The following FAM118B variants were observed in gnomAD, a reference collection of about 807,000 sequenced individuals.
The protein encoded by FAM118B is protein FAM118B.
Under a neutral mutation model 38.5 loss-of-function variants are expected in FAM118B, and 24 were observed. That is an observed-to-expected ratio of 0.62 (90% CI 0.45 to 0.88). The LOEUF is 0.88. Ranked by LOEUF, FAM118B falls within the 40% of genes least tolerant of loss-of-function variation. The probability of loss-of-function intolerance (pLI) is 0.00; values close to 1 mark genes in which losing one functional copy is unlikely to be tolerated. For missense variants in FAM118B, 334 were observed against 420.0 expected (o/e 0.80, Z 1.79); for synonymous variants, 138 against 156.3 (o/e 0.88, Z 0.87).
At chr11:126,212,015 A>G (rs955585908) in intron 1 of FAM118B, among the ~76,000 whole-genome samples, 185 bp downstream of exon 1, 2 of 152,164 alleles carry the variant, frequency 1.3e-5, no homozygotes, top group African/African-American at 4.8e-5. Context: ...GCGATGTCCC[A>G]TAAACGCTCG....
intron 8 of FAM118B, 47 bp from the exon 9 acceptor site, chr11:126,262,073 C>T (rs959270504): frequency 1.2e-6 from 2 of 1,609,190 alleles, no homozygotes; most frequent in East Asian, 2.2e-5. Flanking sequence ...AATGTATAAA[C>T]CTGTTTTGTG....
At chr11:126,261,578 C>A in intron 8 of FAM118B, 94 bp downstream of exon 8, 1 of 1,003,774 alleles carries the variant, frequency 1.0e-6, no homozygotes, top group Non-Finnish European at 1.5e-6. Flanking sequence ...CTTTGGACCT[C>A]ACATTGCCAA....
rs1351636649 is a variant in FAM118B at position 126,261,331 on chromosome 11, G to A, written c.983-94G>A. The A allele has an allele frequency of 2.9e-5, 28 of 956,670 alleles. 1 individual carries two copies. The highest frequency in any genetic ancestry group is 4.9e-5 in the African/African-American group (3 of 60,922). The allele number at this position is 956,670 out of a possible 1,614,324, so 59.3% of individuals were successfully genotyped here. ...TCTAAATGCCCATTCCTTTTCAGTC[G>A]TACCATATGTCCTCATCTCCCTTTA... is the stretch of plus-strand genomic sequence containing the variant. On this transcript the variant is annotated intron_variant, in intron 7 of 8. Transcript: ENST00000533050.
chr11:126,255,445 G>A lies in FAM118B; in HGVS notation c.696+1012G>A, dbSNP rs781499452. ...ACTGCATCCATCTCTGACATTGAGT[G>A]ATCCCTTAGGCAGTCATTTCTGTGT... On this transcript the variant is annotated intron_variant, in intron 6 of 8. Transcript: ENST00000533050. This position sits in a 1 kb window ranked among gnomAD's most constrained non-coding sequence, Gnocchi z 4.6. Among the ~76,000 whole-genome samples, 12 of 152,010 alleles carry A rather than the reference G, an allele frequency of 7.9e-5. No individual in the cohort carries two copies. Among genetic ancestry groups the A allele is most frequent in the Middle Eastern group, 3.2e-3 (1 of 316 alleles).
chr11:126,221,575 A>T (rs973800878), intron 1 of FAM118B, among the ~76,000 whole-genome samples: 1 of 152,106 alleles, frequency 6.6e-6, no homozygotes, highest in Admixed American at 6.5e-5. Context: ...TGAAACTTAC[A>T]TGGCTATCTC....
intron 1 of FAM118B, among the ~76,000 whole-genome samples, chr11:126,221,497 C>T (rs192438501): frequency 6.9e-4 from 105 of 152,038 alleles, no homozygotes; most frequent in African/African-American, 2.2e-3. Flanking sequence ...GGTTGTTGAA[C>T]GGTTTTTTGG....
chr11:126,248,387 T>TTTTTTTTA (rs1950447584), intron 4 of FAM118B, among the ~76,000 whole-genome samples: 1 of 141,206 alleles, frequency 7.1e-6, no homozygotes, highest in Admixed American at 7.2e-5. Context: ...TTTTTTTTTT[T>TTTTTTTTA]GAGATGGAGT....
At position 126,253,827 on chromosome 11, in the gene FAM118B, A is replaced by G. The variant is rs965019595; in HGVS notation, c.568-478A>G. ...GGCAGCTGGATTCCAAAAGTAACAC[A>G]AGAGAAGTAAGACTTCTTGTGCCAA... On this transcript the variant is annotated intron_variant, in intron 5 of 8. Transcript: ENST00000533050. This position sits in a 1 kb window ranked among gnomAD's most constrained non-coding sequence, Gnocchi z 5.1. 1.3e-5 allele frequency among the ~76,000 whole-genome samples: 2 copies of G among 152,236 alleles called. No individual in the cohort carries two copies. The highest frequency in any genetic ancestry group is 2.9e-5 in the Non-Finnish European group (2 of 68,048).
At chr11:126,248,434 G>C (rs918001106) in intron 4 of FAM118B, among the ~76,000 whole-genome samples, 1 of 130,116 alleles carries the variant, frequency 7.7e-6, no homozygotes, top group African/African-American at 2.9e-5. Flanking sequence ...GCAATGGTGC[G>C]ATCTTGGCTC....
chr11:126,218,782 A>G (rs1347114127), intron 1 of FAM118B, among the ~76,000 whole-genome samples: 1 of 152,172 alleles, frequency 6.6e-6, no homozygotes, highest in African/African-American at 2.4e-5. Context: ...ACAAATGTAT[A>G]TGTTTGCTAA....
intron 3 of FAM118B, among the ~76,000 whole-genome samples, chr11:126,238,884 T>TA (rs1213563802): frequency 4.6e-4 from 64 of 140,030 alleles, no homozygotes; most frequent in Middle Eastern, 7.5e-3. Flanking sequence ...ATATACCCGC[T>TA]AAAAAAAAAA....
Position 126,255,707 on chromosome 11 carries a change from C to T in FAM118B, c.697-860C>T, listed in dbSNP as rs550664373. Among the ~76,000 whole-genome samples, 1 of 152,322 alleles carries T rather than the reference C, an allele frequency of 6.6e-6. No homozygotes were observed. Among genetic ancestry groups the T allele is most frequent in the Admixed American group, 6.5e-5 (1 of 15,294 alleles). The stretch of plus-strand genomic sequence containing the variant: ...AAAAAGTACGCCTGTAATCCCAACA[C>T]TTTGGGAGGCTGAGGCAGGCAGATC... On this transcript the variant is annotated intron_variant, in intron 6 of 8. Transcript: ENST00000533050. This position sits in a 1 kb window ranked among gnomAD's most constrained non-coding sequence, Gnocchi z 4.6.
At position 126,212,862 on chromosome 11, in the gene FAM118B, C is replaced by T. The variant is rs541262244; in HGVS notation, c.-77+1032C>T. Among the ~76,000 whole-genome samples, 3 of 152,232 alleles carry T rather than the reference C, an allele frequency of 2.0e-5. No homozygotes were observed. In the South Asian group the frequency reaches 6.2e-4, roughly 32 times the overall value. The stretch of plus-strand genomic sequence containing the variant: ...GATACGTAGTGAGGAGTCTTTGAAG[C>T]TTTTCGAGTAGGGCAGAGAGACTCC... On this transcript the variant is annotated intron_variant, in intron 1 of 8. Transcript: ENST00000533050.
At chr11:126,235,108 A>G (rs1175066992) in intron 3 of FAM118B, 21 bp downstream of exon 3, 2 of 1,607,890 alleles carry the variant, frequency 1.2e-6, no homozygotes, top group East Asian at 2.2e-5. Context: ...GAAGGGAATC[A>G]GCAGAGTAAA....
chr11:126,214,514 G>GTT (rs71048770), intron 1 of FAM118B: 9 of 41,516 alleles, frequency 2.2e-4, no homozygotes, highest in Admixed American at 4.9e-4. Flanking sequence ...TTTTTTTTTT[G>GTT]TTTTTTTTTT....
Position 126,254,269 on chromosome 11 carries a change from C to T in FAM118B, c.568-36C>T. 1.9e-6 allele frequency: 3 copies of T among 1,605,364 alleles called. No homozygotes were observed. In the South Asian group the frequency reaches 3.3e-5, roughly 18 times the overall value. On this transcript the variant is annotated intron_variant, in intron 5 of 8. Coordinates refer to ENST00000533050, the MANE Select transcript of FAM118B (RefSeq NM_024556.4). Reference sequence around the variant, plus strand: ...GTGACCTTTAAACAGGTGCTCAGCCCTGCCAAGCTGGTTGGGCTATATGTG... The same window carrying T: ...GTGACCTTTAAACAGGTGCTCAGCCTTGCCAAGCTGGTTGGGCTATATGTG...
intron 4 of FAM118B, among the ~76,000 whole-genome samples, chr11:126,247,545 A>G (rs1336104378): frequency 6.6e-6 from 1 of 152,078 alleles, no homozygotes; most frequent in Admixed American, 6.6e-5. Flanking sequence ...GGTGTGTGTA[A>G]TAATAAAACT....
At chr11:126,249,858 C>T (rs1950474213) in intron 4 of FAM118B, among the ~76,000 whole-genome samples, 1 of 152,056 alleles carries the variant, frequency 6.6e-6, no homozygotes, top group South Asian at 2.1e-4. Flanking sequence ...TACCTGGCAC[C>T]TCATGAGAGG....
rs1400963286 is a variant in FAM118B at position 126,250,171 on chromosome 11, A to G, written c.340-335A>G. On this transcript the variant is annotated intron_variant, in intron 4 of 8. Transcript: ENST00000533050. This position sits in a 1 kb window ranked among gnomAD's most constrained non-coding sequence, Gnocchi z 5.1. ...CAGTGACGCGATCTCGGCTCACTGC[A>G]AGCTCCGCCTCCTGGGTTCACACCA... is the stretch of plus-strand genomic sequence containing the variant. Among the ~76,000 whole-genome samples the G allele has an allele frequency of 6.6e-6, 1 of 150,866 alleles. No individual in the cohort carries two copies. Among genetic ancestry groups the G allele is most frequent in the East Asian group, 2.0e-4 (1 of 5,118 alleles).
Sources: gnomAD v4.1 joint callset for allele counts (sites outside exome capture counted in the v4.1 genomes callset) on GRCh38, gnomAD v4.1.1 for gene constraint, Gnocchi (gnomAD v3.1) non-coding constraint, MANE v1.5 for transcripts, NCBI Gene and HGNC (gene_info 2026-07-23, HGNC 2026-07-21) for gene names.